Variants in HS6ST3 observed in about 807,000 individuals in gnomAD.
HS6ST3 encodes heparan sulfate 6-O-sulfotransferase 3.
HS6ST3 carries 12 observed loss-of-function variants against 36.7 expected under a neutral mutation model. The ratio of observed to expected loss-of-function variants is 0.33; its 90% CI spans 0.21 to 0.53. The LOEUF (loss-of-function observed/expected upper bound fraction) is 0.53, where lower values mean the gene tolerates loss of function less well. HS6ST3 is among the 20% of genes least tolerant of loss of function. HS6ST3 has a pLI of 0.95. For missense variants in HS6ST3, 584 were observed against 640.9 expected (o/e 0.91, Z 0.96); for synonymous variants, 240 against 257.5 (o/e 0.93, Z 0.65).
At chr13:96,529,437 C>T (rs1386491294) in intron 1 of HS6ST3, among the ~76,000 whole-genome samples, 1 of 152,010 alleles carries the variant, frequency 6.6e-6, no homozygotes, top group Admixed American at 6.6e-5. Flanking sequence ...CAAGGTAGAA[C>T]CTGAAATTTA....
intron 1 of HS6ST3, among the ~76,000 whole-genome samples, chr13:96,363,194 T>G (rs2892814): frequency 0.84 from 128,281 of 152,094 alleles, 54,478 homozygotes; most frequent in South Asian, 0.91. Flanking sequence ...TCTATGGATT[T>G]TACAAATGTC....
At chr13:96,546,790 C>A (rs988970733) in intron 1 of HS6ST3, among the ~76,000 whole-genome samples, 1 of 152,086 alleles carries the variant, frequency 6.6e-6, no homozygotes, top group African/African-American at 2.4e-5. Flanking sequence ...CTCACATTTG[C>A]ATATTAAAGA....
At chr13:96,800,011 T>TATGTATATATATATAC (rs1878028484) in intron 1 of HS6ST3, among the ~76,000 whole-genome samples, 1 of 130,308 alleles carries the variant, frequency 7.7e-6, no homozygotes, top group African/African-American at 3.0e-5. Context: ...TATATATATA[T>TATGTATATATATATAC]ATGTATATAT....
At chr13:96,571,913 T>A (rs1382709658) in intron 1 of HS6ST3, among the ~76,000 whole-genome samples, 1 of 152,136 alleles carries the variant, frequency 6.6e-6, no homozygotes, top group Non-Finnish European at 1.5e-5. Context: ...CAAGTTTAAG[T>A]CCCCATTGCA....
chr13:96,615,520 C>T (rs1420528199), intron 1 of HS6ST3, among the ~76,000 whole-genome samples: 1 of 152,108 alleles, frequency 6.6e-6, no homozygotes, highest in Non-Finnish European at 1.5e-5. Flanking sequence ...TGGATGTAGA[C>T]CCTGTATATA....
In HS6ST3 at chr13:96,833,215, C is replaced by G. The variant is rs772162176; in HGVS notation, c.*17C>G. 6.7e-7 allele frequency: 1 copy of G among 1,495,452 alleles called. No individual in the cohort carries two copies. Among genetic ancestry groups the G allele is most frequent in the Non-Finnish European group, 8.9e-7 (1 of 1,124,798 alleles). 92.6% of individuals were successfully genotyped at this position (1,495,452 alleles called of 1,614,324 possible). A position where few individuals can be genotyped will look rare whatever the true frequency, so the allele number is the denominator to read the frequency against. On this transcript the variant is annotated 3_prime_UTR_variant, in exon 2 of 2. Transcript: ENST00000376705. ...AGATGGTGACCTCCTGCCCTCTCCT[C>G]TCTCAGGAGGGGGAGGGTGAGCAGG...
chr13:96,225,777 T>TA (rs2054477451), intron 1 of HS6ST3, among the ~76,000 whole-genome samples: 1 of 152,156 alleles, frequency 6.6e-6, no homozygotes, highest in Non-Finnish European at 1.5e-5. Context: ...TGTGACCAAC[T>TA]AAAATTGATG....
At chr13:96,642,080 A>G (rs2056572193) in intron 1 of HS6ST3, among the ~76,000 whole-genome samples, 2 of 151,786 alleles carry the variant, frequency 1.3e-5, no homozygotes, top group African/African-American at 4.8e-5. Flanking sequence ...AAGAAAACAA[A>G]TTTTCTCAGT....
chr13:96,424,110 C>T (rs552341042), intron 1 of HS6ST3, among the ~76,000 whole-genome samples: 7 of 152,154 alleles, frequency 4.6e-5, no homozygotes. Context: ...AATATGAAAT[C>T]CAATTACAAT....
intron 1 of HS6ST3, among the ~76,000 whole-genome samples, chr13:96,685,773 C>T (rs491059): frequency 0.98 from 149,250 of 152,130 alleles, 73,247 homozygotes; most frequent in East Asian, 1. Flanking sequence ...CATCTCATTC[C>T]CGTTTTCCTT....
chr13:96,233,316 A>T (rs908217683), intron 1 of HS6ST3, among the ~76,000 whole-genome samples: 7 of 152,272 alleles, frequency 4.6e-5, no homozygotes, highest in African/African-American at 1.7e-4. Context: ...AAGTCTTGTC[A>T]TGGCTATGGA....
At chr13:96,384,110 G>C (rs568213380) in intron 1 of HS6ST3, among the ~76,000 whole-genome samples, 68 of 152,270 alleles carry the variant, frequency 4.5e-4, no homozygotes, top group African/African-American at 1.6e-3. Context: ...GGCTACCCAA[G>C]ATCTTGAAGT....
At chr13:96,639,846 C>T (rs548207327) in intron 1 of HS6ST3, among the ~76,000 whole-genome samples, 5 of 152,012 alleles carry the variant, frequency 3.3e-5, no homozygotes, top group East Asian at 1.9e-4. Context: ...CATAGGATAA[C>T]GGTCACCAGC....
intron 1 of HS6ST3, among the ~76,000 whole-genome samples, chr13:96,458,827 T>G (rs958723148): frequency 6.6e-6 from 1 of 151,676 alleles, no homozygotes; most frequent in African/African-American, 2.4e-5. Flanking sequence ...TATGGTTGGG[T>G]GTGGTGGCTC....
At chr13:96,237,522 A>G (rs2054540187) in intron 1 of HS6ST3, among the ~76,000 whole-genome samples, 1 of 151,918 alleles carries the variant, frequency 6.6e-6, no homozygotes, top group African/African-American at 2.4e-5. Flanking sequence ...TCTCTTCCTT[A>G]TTACCAGATC....
chr13:96,365,429 G>T (rs1335218645), intron 1 of HS6ST3, among the ~76,000 whole-genome samples: 1 of 152,160 alleles, frequency 6.6e-6, no homozygotes, highest in Non-Finnish European at 1.5e-5. Flanking sequence ...TGAGGTAGGG[G>T]TACAAATATT....
At chr13:96,118,672 A>G (rs1275020949) in intron 1 of HS6ST3, among the ~76,000 whole-genome samples, 6 of 21,684 alleles carry the variant, frequency 2.8e-4, no homozygotes, top group African/African-American at 7.5e-4. Context: ...ATATATATAT[A>G]TATATATATA....
intron 1 of HS6ST3, among the ~76,000 whole-genome samples, chr13:96,294,392 A>G (rs1406636784): frequency 1.3e-5 from 2 of 152,164 alleles, no homozygotes; most frequent in Non-Finnish European, 2.9e-5. Flanking sequence ...TTATTACAAC[A>G]TTATTTCTTG....
At chr13:96,334,812 CTT>C (rs1487204785) in intron 1 of HS6ST3, among the ~76,000 whole-genome samples, 3 of 152,174 alleles carry the variant, frequency 2.0e-5, no homozygotes, top group African/African-American at 7.2e-5. Flanking sequence ...CAAGATGAGA[CTT>C]GGGTGGAGAC....
Sources: gnomAD v4.1 joint callset for allele counts (sites outside exome capture counted in the v4.1 genomes callset) on GRCh38, gnomAD v4.1.1 for gene constraint, MANE v1.5 for transcripts, NCBI Gene and HGNC (gene_info 2026-07-23, HGNC 2026-07-21) for gene names.